The following NOS1 variants were observed in gnomAD, a reference collection of about 807,000 sequenced individuals.
NOS1 encodes the protein nitric oxide synthase 1.
Under a neutral mutation model 164.5 loss-of-function variants are expected in NOS1, and 51 were observed. The ratio of observed to expected loss-of-function variants is 0.31; its 90% confidence interval spans 0.25 to 0.39. The LOEUF (loss-of-function observed/expected upper bound fraction) is 0.39, where lower values mean the gene tolerates loss of function less well. Ranked by LOEUF, NOS1 falls within the 10% of genes least tolerant of loss-of-function variation. The probability of loss-of-function intolerance (pLI) is 1.00; values close to 1 mark genes in which losing one functional copy is unlikely to be tolerated. For synonymous variants in NOS1, 719 were observed against 745.8 expected, an observed-to-expected ratio of 0.96 and a Z score of 0.59; for missense variants, 1,362 against 1,885.6, an observed-to-expected ratio of 0.72 and a Z score of 5.14.
Position 117,330,745 on chromosome 12 carries a change from T to C in NOS1, c.325A>G (p.Thr109Ala), listed in dbSNP as rs866876186. The change falls in exon 2 of 29, where the codon ACC becomes GCC. Residue 109 changes from threonine to alanine, a missense_variant. Physicochemically the swap from Thr to Ala is moderately conservative, Grantham distance 58. Coordinates refer to ENST00000317775, the MANE Select transcript of NOS1 (RefSeq NM_000620.5). This position sits in a 1 kb window ranked among gnomAD's most constrained non-coding sequence, Gnocchi z 4.6. ...GGGGTCCCATCACCTGTAAAGGTGG[T>C]CTCCAGGTGCGTGGTGAAACCTTCA... ...GPEGFTTHLETTFTGDGTPKT... is the reference protein window; with the variant it reads ...GPEGFTTHLEATFTGDGTPKT... 1 of 1,613,766 alleles carries C rather than the reference T, an allele frequency of 6.2e-7. No individual in the cohort carries two copies. The highest frequency in any genetic ancestry group is 1.3e-5 in the African/African-American group (1 of 74,858).
intron 3 of NOS1, among the ~76,000 whole-genome samples, chr12:117,309,755 G>T (rs1874336907): frequency 6.6e-6 from 1 of 152,128 alleles, no homozygotes; most frequent in African/African-American, 2.4e-5. Flanking sequence ...AGACTAAAAA[G>T]TTGGATAACA....
At chr12:117,283,294 T>G (rs1188795368) in intron 7 of NOS1, among the ~76,000 whole-genome samples, 1 of 152,114 alleles carries the variant, frequency 6.6e-6, no homozygotes, top group East Asian at 1.9e-4. Context: ...ACTCTTGAGC[T>G]CAAGTGATCC....
At chr12:117,322,888 C>A (rs1875057271) in intron 2 of NOS1, among the ~76,000 whole-genome samples, 1 of 131,320 alleles carries the variant, frequency 7.6e-6, no homozygotes, top group Non-Finnish European at 1.7e-5. Flanking sequence ...TGCATTCTTC[C>A]TTGCCTCCCT....
At chr12:117,292,374 A>C (rs942927897) in intron 3 of NOS1, among the ~76,000 whole-genome samples, 1 of 152,088 alleles carries the variant, frequency 6.6e-6, no homozygotes, top group Non-Finnish European at 1.5e-5. Context: ...TGTATGCATG[A>C]GGGCAAGTGT....
At chr12:117,358,227 A>C (rs1407366371) in intron 1 of NOS1, among the ~76,000 whole-genome samples, 2 of 152,216 alleles carry the variant, frequency 1.3e-5, no homozygotes, top group Non-Finnish European at 2.9e-5. Flanking sequence ...GCGGCCCCCC[A>C]GTGGGGAAGT....
At chr12:117,283,005 T>A (rs1171908603) in intron 7 of NOS1, among the ~76,000 whole-genome samples, 1 of 150,300 alleles carries the variant, frequency 6.7e-6, no homozygotes, top group Non-Finnish European at 1.5e-5. Flanking sequence ...CTGCTGTCCT[T>A]CCCCTCTATG....
At chr12:117,281,364 CA>C (rs1380125479) in intron 7 of NOS1, among the ~76,000 whole-genome samples, 1 of 151,042 alleles carries the variant, frequency 6.6e-6, no homozygotes, top group Non-Finnish European at 1.5e-5. Context: ...TACAAAAATA[CA>C]AAAAGTCAGC....
intron 2 of NOS1, among the ~76,000 whole-genome samples, chr12:117,316,516 TGTC>T (rs1874677288): frequency 6.6e-6 from 1 of 152,250 alleles, no homozygotes; most frequent in African/African-American, 2.4e-5. Context: ...ATGTCCCACC[TGTC>T]ACGGGAATTT....
In NOS1 at chr12:117,232,034, A is replaced by G. The variant is rs2135940091; in HGVS notation, c.3333T>C (p.Pro1111=). ...GGGAGGCAAACTGCTGCAGCTGCAG[A>G]GGCGTTGGTGGCGTGGTGATGTCCA... ...YYLDITTPPT[P]LQLQQFASLA... The change falls in exon 22 of 29, where the codon CCT becomes CCC. Residue 1111 remains proline (P), a synonymous_variant. Transcript: ENST00000317775. 6.2e-7 allele frequency: 1 copy of G among 1,612,612 alleles called. No homozygotes were observed. The highest frequency in any genetic ancestry group is 8.5e-7 in the Non-Finnish European group (1 of 1,179,986).
At chr12:117,357,110 C>T in intron 1 of NOS1, among the ~76,000 whole-genome samples, 1 of 152,202 alleles carries the variant, frequency 6.6e-6, no homozygotes, top group Non-Finnish European at 1.5e-5. Context: ...ATGGCTTGAG[C>T]CCAGGAGTTT....
At chr12:117,309,488 A>G (rs1874321833) in intron 3 of NOS1, 1 of 596,766 alleles carries the variant, frequency 1.7e-6, no homozygotes, top group Admixed American at 6.3e-5. Context: ...GCCAAGCATC[A>G]GGAAAATGAA....
intron 17 of NOS1, among the ~76,000 whole-genome samples, chr12:117,247,763 G>A (rs758440705): frequency 6.6e-6 from 1 of 151,926 alleles, no homozygotes; most frequent in Non-Finnish European, 1.5e-5. Context: ...TGGCTAACAC[G>A]GTGAAACCCC....
chr12:117,324,523 A>G (rs10850812), intron 2 of NOS1, among the ~76,000 whole-genome samples: 34,762 of 152,068 alleles, frequency 0.23, 5,254 homozygotes, highest in East Asian at 0.44. Context: ...TGAGGCTAGG[A>G]GTTTGAGACC....
At chr12:117,258,039 G>C (rs1871603466) in intron 16 of NOS1, among the ~76,000 whole-genome samples, 1 of 152,012 alleles carries the variant, frequency 6.6e-6, no homozygotes, top group African/African-American at 2.4e-5. Context: ...TCCTGACCTT[G>C]TGATCCATCT....
intron 2 of NOS1, among the ~76,000 whole-genome samples, chr12:117,329,167 A>G (rs1875405327): frequency 1.3e-5 from 2 of 152,182 alleles, no homozygotes; most frequent in East Asian, 1.9e-4. Context: ...ATTTACCACC[A>G]GTCCTCCCCA....
At chr12:117,279,175 G>A (rs1210980179) in intron 8 of NOS1, among the ~76,000 whole-genome samples, 2 of 151,920 alleles carry the variant, frequency 1.3e-5, no homozygotes, top group Admixed American at 1.3e-4. Flanking sequence ...TCAGGATATT[G>A]AGAGCATCCT....
intron 7 of NOS1, among the ~76,000 whole-genome samples, chr12:117,283,622 C>T (rs144383012): frequency 0.029 from 4,442 of 151,884 alleles, 177 homozygotes; most frequent in African/African-American, 0.086. Flanking sequence ...TTTGGGAGGC[C>T]GAGGCAGGTA....
At chr12:117,221,923 G>A (rs1956713141) in intron 26 of NOS1, among the ~76,000 whole-genome samples, 1 of 149,178 alleles carries the variant, frequency 6.7e-6, no homozygotes, top group African/African-American at 2.5e-5. Flanking sequence ...GCCTCCCAAA[G>A]TGCTGGGATT....
intron 18 of NOS1, 52 bp downstream of exon 18, chr12:117,247,296 G>T (rs1191209644): frequency 1.7e-5 from 24 of 1,431,444 alleles, no homozygotes; most frequent in African/African-American, 1.6e-4. Flanking sequence ...TGCTGTCTTT[G>T]GGGGTGTGGG....
Sources: gnomAD v4.1 joint callset for allele counts (sites outside exome capture counted in the v4.1 genomes callset) on GRCh38, gnomAD v4.1.1 for gene constraint, Gnocchi (gnomAD v3.1) non-coding constraint, MANE v1.5 for transcripts, NCBI Gene and HGNC (gene_info 2026-07-23, HGNC 2026-07-21) for gene names.